KAZN: variants seen among roughly 807,000 people sequenced by gnomAD.
KAZN encodes the protein kazrin, periplakin interacting protein, also known as kazrin.
Under a neutral mutation model 87.4 loss-of-function variants are expected in KAZN, and 40 were observed. The ratio of observed to expected loss-of-function variants is 0.46; its 90% confidence interval spans 0.36 to 0.60. KAZN has a LOEUF of 0.60. Among genes scored for constraint, KAZN ranks in the 20% least tolerant of loss-of-function variants. The pLI is 0.00. For missense variants in KAZN, 898 were observed against 1,073.9 expected (o/e 0.84, Z 2.29); for synonymous variants, 466 against 458.3 (o/e 1.02, Z -0.22).
At chr1:14,407,383 A>G (rs1663943496) in intron 2 of KAZN, among the ~76,000 whole-genome samples, 1 of 152,220 alleles carries the variant, frequency 6.6e-6, no homozygotes, top group African/African-American at 2.4e-5. Flanking sequence ...TCTGCTGGTC[A>G]TTGAAAGAAG....
chr1:14,633,789 T>A (rs1336413397), intron 1 of KAZN, among the ~76,000 whole-genome samples: 2 of 152,028 alleles, frequency 1.3e-5, no homozygotes, highest in African/African-American at 2.4e-5. Context: ...GGGGACATGA[T>A]TATGAAAATA....
At chr1:14,556,552 C>T (rs1673891085) in intron 2 of KAZN, among the ~76,000 whole-genome samples, 1 of 152,042 alleles carries the variant, frequency 6.6e-6, no homozygotes, top group African/African-American at 2.4e-5. Flanking sequence ...TTCCAGCTGC[C>T]TCTTTCCATA....
intron 1 of KAZN, among the ~76,000 whole-genome samples, chr1:14,925,427 T>G (rs1035852856): frequency 1.3e-5 from 2 of 152,216 alleles, no homozygotes; most frequent in Non-Finnish European, 2.9e-5. Context: ...TTATTCCTTA[T>G]TCATCGAACA....
intron 8 of KAZN, among the ~76,000 whole-genome samples, chr1:15,092,995 C>T (rs1408671588): frequency 1.3e-5 from 2 of 151,428 alleles, no homozygotes; most frequent in Non-Finnish European, 2.9e-5. Context: ...GAGCTGGGTT[C>T]CATTTATCCT....
chr1:14,619,373 A>AT (rs1353511174), intron 1 of KAZN, among the ~76,000 whole-genome samples: 3 of 151,274 alleles, frequency 2.0e-5, no homozygotes, highest in Non-Finnish European at 4.4e-5. Flanking sequence ...AATTTTTTAA[A>AT]TTTTTTTGTA....
chr1:14,789,209 G>A (rs756243189), intron 1 of KAZN, among the ~76,000 whole-genome samples: 1 of 152,188 alleles, frequency 6.6e-6, no homozygotes, highest in Non-Finnish European at 1.5e-5. Context: ...TCTGGTAGAC[G>A]GGATTGTAGG....
chr1:14,511,889 G>T (rs142979447), intron 2 of KAZN, among the ~76,000 whole-genome samples: 31 of 152,152 alleles, frequency 2.0e-4, no homozygotes, highest in Non-Finnish European at 3.8e-4. Flanking sequence ...ATAAATAAAC[G>T]CATTAGTTTA....
chr1:15,099,593 C>T lies in KAZN; in HGVS notation c.1548-1950C>T. 6.6e-6 allele frequency among the ~76,000 whole-genome samples: 1 copy of T among 152,084 alleles called. No individual in the cohort carries two copies. The highest frequency in any genetic ancestry group is 2.1e-4 in the South Asian group (1 of 4,824). Reference sequence around the variant, plus strand: ...CCTCCAGGAAACGGCCCCCAGGACCCCAAGCCCCATGTGCGTTGGGGGAGG... The same window carrying T: ...CCTCCAGGAAACGGCCCCCAGGACCTCAAGCCCCATGTGCGTTGGGGGAGG... On this transcript the variant is annotated intron_variant, in intron 10 of 14. Coordinates refer to ENST00000376030, the MANE Select transcript of KAZN (RefSeq NM_201628.3). The surrounding 1 kb of genome is among the most constrained non-coding windows in gnomAD (Gnocchi z 5.4).
chr1:14,065,977 C>T (rs1642992010), intron 1 of KAZN, among the ~76,000 whole-genome samples: 1 of 151,852 alleles, frequency 6.6e-6, no homozygotes, highest in Non-Finnish European at 1.5e-5. Flanking sequence ...GTCTTTAATC[C>T]CTTATCTTCC....
intron 1 of KAZN, among the ~76,000 whole-genome samples, chr1:14,883,342 G>GAGAGAGAGAGAAAGAAAGA (rs1377953212): frequency 9.0e-5 from 3 of 33,460 alleles, no homozygotes; most frequent in Non-Finnish European, 1.2e-4. Context: ...GAGAGAGAGA[G>GAGAGAGAGAGAAAGAAAGA]AAAGAAAGAA....
At chr1:14,331,769 C>T (rs1387436077) in intron 2 of KAZN, among the ~76,000 whole-genome samples, 3 of 152,158 alleles carry the variant, frequency 2.0e-5, no homozygotes, top group African/African-American at 7.2e-5. Context: ...CTTCCCCCTA[C>T]CAGGAATAAA....
intron 2 of KAZN, among the ~76,000 whole-genome samples, chr1:14,981,735 A>G (rs921901363): frequency 4.6e-5 from 7 of 152,230 alleles, no homozygotes; most frequent in Admixed American, 4.6e-4. Flanking sequence ...GCGACTGTCC[A>G]TGGCAGCCCT....
At chr1:14,363,538 AG>A (rs1412681934) in intron 2 of KAZN, among the ~76,000 whole-genome samples, 1 of 152,212 alleles carries the variant, frequency 6.6e-6, no homozygotes, top group Non-Finnish European at 1.5e-5. Context: ...TTTCTGAAAC[AG>A]GTTTTCTCAG....
At chr1:13,952,050 G>A (rs1304264353) in intron 1 of KAZN, among the ~76,000 whole-genome samples, 1 of 152,132 alleles carries the variant, frequency 6.6e-6, no homozygotes, top group Non-Finnish European at 1.5e-5. Flanking sequence ...AGGCCTATGG[G>A]AGCTGTTGAT....
At chr1:14,011,352 G>C (rs6689276) in intron 1 of KAZN, among the ~76,000 whole-genome samples, 7,325 of 152,158 alleles carry the variant, frequency 0.048, 536 homozygotes, top group African/African-American at 0.16. Flanking sequence ...CCCACTATAG[G>C]GCCTTTGCAG....
rs910965693 is a variant in KAZN, at chr1:15,115,221, A to G, written c.*586A>G. The G allele has an allele frequency of 1.3e-5, 2 of 152,508 alleles. No homozygotes were observed. Among genetic ancestry groups the G allele is most frequent in the Non-Finnish European group, 2.9e-5 (2 of 68,272 alleles). 9.4% of individuals were successfully genotyped at this position (152,508 alleles called of 1,614,324 possible). A position where few individuals can be genotyped will look rare whatever the true frequency, so the allele number is the denominator to read the frequency against. On this transcript the variant is annotated 3_prime_UTR_variant, in exon 15 of 15. Transcript: ENST00000376030. The surrounding 1 kb of genome is among the most constrained non-coding windows in gnomAD (Gnocchi z 4.1). ...CACTGAATCTCTCTTGGGAGAATGC[A>G]AAATCCTTCCACCTGAAAAGCTCTG...
chr1:14,038,041 A>G (rs953494798), intron 1 of KAZN, among the ~76,000 whole-genome samples: 1 of 152,132 alleles, frequency 6.6e-6, no homozygotes, highest in African/African-American at 2.4e-5. Context: ...CTGTCCACCC[A>G]TCTATTCATC....
intron 1 of KAZN, among the ~76,000 whole-genome samples, chr1:14,793,323 G>GT (rs3032758): frequency 0.26 from 39,987 of 152,000 alleles, 5,738 homozygotes; most frequent in Non-Finnish European, 0.32. Context: ...CATTTTCCCA[G>GT]GCTCCTTTAA....
At chr1:14,925,958 T>C (rs1210681231) in intron 1 of KAZN, among the ~76,000 whole-genome samples, 1 of 152,168 alleles carries the variant, frequency 6.6e-6, no homozygotes, top group Non-Finnish European at 1.5e-5. Flanking sequence ...TTTTTGAGAC[T>C]CAATTTACCC....
Sources: gnomAD v4.1 joint callset for allele counts (sites outside exome capture counted in the v4.1 genomes callset) on GRCh38, gnomAD v4.1.1 for gene constraint, Gnocchi (gnomAD v3.1) non-coding constraint, MANE v1.5 for transcripts, NCBI Gene and HGNC (gene_info 2026-07-23, HGNC 2026-07-21) for gene names.